UBFD1: variants seen among roughly 807,000 people sequenced by gnomAD.
UBFD1 encodes ubiquitin domain-containing protein UBFD1.
UBFD1 carries 12 observed loss-of-function variants against 35.1 expected under a neutral mutation model. The ratio of observed to expected loss-of-function variants is 0.34; its 90% CI spans 0.22 to 0.55. The LOEUF is 0.55. Among genes scored for constraint, UBFD1 ranks in the 20% least tolerant of loss-of-function variants. The pLI, the probability that UBFD1 is intolerant of heterozygous loss-of-function variation, is 0.89. For missense variants in UBFD1, 337 were observed against 410.8 expected (o/e 0.82, Z 1.55); for synonymous variants, 178 against 167.6 (o/e 1.06, Z -0.48).
chr16:23,565,225 T>C (rs1435852325), intron 5 of UBFD1: 2 of 152,188 alleles, frequency 1.3e-5, no homozygotes, highest in Non-Finnish European at 2.9e-5. Flanking sequence ...AGTTGGCCTC[T>C]TCGTGGGGCG....
chr16:23,568,009 A>AGGC (rs1198693855), intron 6 of UBFD1, among the ~76,000 whole-genome samples: 2 of 152,364 alleles, frequency 1.3e-5, no homozygotes, highest in African/African-American at 4.8e-5. Context: ...TGGGCAAGGG[A>AGGC]GGCAGCCCTG....
intron 5 of UBFD1, among the ~76,000 whole-genome samples, chr16:23,563,745 G>A (rs567284652): frequency 6.6e-5 from 10 of 152,300 alleles, no homozygotes; most frequent in Non-Finnish European, 1.3e-4. Flanking sequence ...CTTCTGGCCC[G>A]TTTGCCCTGT....
chr16:23,559,236 C>G (rs1965890526), intron 2 of UBFD1: 15 of 424,010 alleles, frequency 3.5e-5, no homozygotes. Context: ...CTAAATGCCC[C>G]GCATTGGTCT....
intron 3 of UBFD1, chr16:23,561,516 G>C (rs1397367202): frequency 6.6e-6 from 1 of 152,260 alleles, no homozygotes; most frequent in Non-Finnish European, 1.5e-5. Flanking sequence ...GCAGGTGGTA[G>C]GGGTGGAGTT....
chr16:23,562,017 A>AC, intron 3 of UBFD1, 189 bp from the exon 4 acceptor site: 1 of 573,248 alleles, frequency 1.7e-6, no homozygotes, highest in East Asian at 2.9e-5. Context: ...ACAGGTACGA[A>AC]CATATTCGCC....
chr16:23,570,174 C>A (rs1966064218), intron 6 of UBFD1, among the ~76,000 whole-genome samples: 1 of 152,142 alleles, frequency 6.6e-6, no homozygotes, highest in African/African-American at 2.4e-5. Context: ...TCAGGCCCCA[C>A]CCCAGACCTC....
At chr16:23,557,814 G>T (rs1965836840) in intron 1 of UBFD1, 47 bp downstream of exon 1, 3 of 1,276,366 alleles carry the variant, frequency 2.4e-6, no homozygotes, top group Non-Finnish European at 3.0e-6. Flanking sequence ...CTGAGGTTGC[G>T]GTCGCTCCTC....
chr16:23,558,844 C>T (rs1965876826), intron 2 of UBFD1, among the ~76,000 whole-genome samples: 1 of 150,930 alleles, frequency 6.6e-6, no homozygotes, highest in Non-Finnish European at 1.5e-5. Context: ...GTACTGGCAC[C>T]ATCTTGGCTC....
chr16:23,563,018 A>C (rs1487633309), intron 5 of UBFD1, among the ~76,000 whole-genome samples: 1 of 152,208 alleles, frequency 6.6e-6, no homozygotes, highest in African/African-American at 2.4e-5. Flanking sequence ...TCTGGTCCAC[A>C]GAAAAATGTT....
At chr16:23,559,824 GAGGTGA>G in intron 3 of UBFD1, 148 bp downstream of exon 3, 1 of 1,541,658 alleles carries the variant, frequency 6.5e-7, no homozygotes, top group Non-Finnish European at 8.7e-7. Flanking sequence ...CCGCAGAGTG[GAGGTGA>G]CAACTACCTG....
chr16:23,562,872 C>T lies in UBFD1; in HGVS notation c.736+142C>T. ...TGCTTGCTTCTGGCTTTTAAATTTG[C>T]TTTTAGATGCTCGCCTTTTGTTTGG... On this transcript the variant is annotated intron_variant, in intron 5 of 6. Transcript: ENST00000395878. 4.1e-6 allele frequency: 3 copies of T among 729,908 alleles called. No individual in the cohort carries two copies. In the South Asian group the frequency reaches 4.7e-5, roughly 12 times the overall value. 45.2% of individuals were successfully genotyped at this position (729,908 alleles called of 1,614,324 possible). A position where few individuals can be genotyped will look rare whatever the true frequency, so the allele number is the denominator to read the frequency against.
intron 6 of UBFD1, chr16:23,569,676 GAAAT>G (rs1237362024): frequency 2.6e-5 from 4 of 152,100 alleles, no homozygotes; most frequent in African/African-American, 9.7e-5. Flanking sequence ...TTAAATAAAA[GAAAT>G]AAAGTTTATT....
chr16:23,557,935 C>T lies in UBFD1; in HGVS notation c.26-15C>T. The T allele has an allele frequency of 7.5e-7, 1 of 1,333,212 alleles. No homozygotes were observed. The highest frequency in any genetic ancestry group is 9.6e-7 in the Non-Finnish European group (1 of 1,042,370). 82.6% of individuals were successfully genotyped at this position (1,333,212 alleles called of 1,614,324 possible). A position where few individuals can be genotyped will look rare whatever the true frequency, so the allele number is the denominator to read the frequency against. ...CCAGCCCGCGGCGAGCGCCCACCCCCTAACCCCCTTGCAGGCATGGAGGAA... is the reference window on the plus strand; with the variant it reads ...CCAGCCCGCGGCGAGCGCCCACCCCTTAACCCCCTTGCAGGCATGGAGGAA... On this transcript the variant is annotated splice_polypyrimidine_tract_variant and intron_variant, in intron 1 of 6. Coordinates refer to ENST00000395878, the MANE Select transcript of UBFD1 (RefSeq NM_019116.3).
Position 23,559,463 on chromosome 16 carries a change from C to G in UBFD1, c.356-5C>G. On this transcript the variant is annotated splice_polypyrimidine_tract_variant and splice_region_variant and intron_variant, in intron 2 of 6. Transcript: ENST00000395878. ...TTCACTGTCCACCTTCTACCTTTTC[C>G]CAAGGTCTCCCGCCTGCCATGCAGA... The G allele has an allele frequency of 6.2e-7, 1 of 1,612,560 alleles. No individual in the cohort carries two copies. The highest frequency in any genetic ancestry group is 1.7e-5 in the Admixed American group (1 of 59,856).
chr16:23,560,188 T>G (rs1965909594), intron 3 of UBFD1, among the ~76,000 whole-genome samples: 1 of 152,196 alleles, frequency 6.6e-6, no homozygotes. Flanking sequence ...TTATTTATTT[T>G]TTTGTCCTGA....
In UBFD1 at chr16:23,570,402, A is replaced by G. The variant is rs1966067653; in HGVS notation, c.820-78A>G. The G allele has an allele frequency of 1.1e-5, 11 of 1,024,966 alleles. No individual in the cohort carries two copies. The South Asian group carries it at 1.3e-4, about 12-fold the overall frequency. 63.5% of individuals were successfully genotyped at this position (1,024,966 alleles called of 1,614,324 possible). A position where few individuals can be genotyped will look rare whatever the true frequency, so the allele number is the denominator to read the frequency against. ...CCCTTTTTAATTAACTCACATCCCA[A>G]CCCTCACCCATGTTTGTCCTGCCTG... On this transcript the variant is annotated intron_variant, in intron 6 of 6. Coordinates refer to ENST00000395878, the MANE Select transcript of UBFD1 (RefSeq NM_019116.3).
At chr16:23,562,761 A>G (rs1230515426) in intron 5 of UBFD1, 31 bp downstream of exon 5, 1 of 1,586,228 alleles carries the variant, frequency 6.3e-7, no homozygotes, top group Non-Finnish European at 8.7e-7. Flanking sequence ...TTGCTGGCCC[A>G]CTGCCTGCCT....
At chr16:23,559,772 T>C (rs768980384) in intron 3 of UBFD1, 96 bp downstream of exon 3, 7 of 1,565,666 alleles carry the variant, frequency 4.5e-6, no homozygotes, top group African/African-American at 2.7e-5. Context: ...AGCTCCTTTT[T>C]GGACAGGGCC....
At chr16:23,559,866 C>T (rs917775685) in intron 3 of UBFD1, 190 bp downstream of exon 3, 7 of 1,533,912 alleles carry the variant, frequency 4.6e-6, no homozygotes, top group Admixed American at 2.0e-5. Flanking sequence ...TCTCATCTGG[C>T]GGGTCAGTGT....
Sources: allele counts gnomAD v4.1 joint callset (sites outside exome capture counted in the v4.1 genomes callset), GRCh38; gene constraint gnomAD v4.1.1; transcripts MANE v1.5; gene names NCBI Gene and HGNC (gene_info 2026-07-23, HGNC 2026-07-21).